SLC10A7: variants seen among roughly 807,000 people sequenced by gnomAD.
The protein encoded by SLC10A7 is sodium/bile acid cotransporter 7.
A neutral mutation model predicts 43.2 loss-of-function variants in SLC10A7; 29 were observed. The observed-to-expected ratio is 0.67, with a 90% confidence interval of 0.50 to 0.92. SLC10A7 has a LOEUF of 0.92. Among genes scored for constraint, SLC10A7 ranks in the 40% least tolerant of loss-of-function variants. The pLI is 0.00. For missense variants in SLC10A7, 295 were observed against 403.2 expected, an observed-to-expected ratio of 0.73 and a Z score of 2.30; for synonymous variants, 152 against 144.8, an observed-to-expected ratio of 1.05 and a Z score of -0.35.
chr4:146,376,840 G>A (rs372155430), intron 5 of SLC10A7, among the ~76,000 whole-genome samples: 40 of 152,138 alleles, frequency 2.6e-4, no homozygotes, highest in Admixed American at 3.9e-4. Context: ...GCTGTGTCCC[G>A]TTTTTATTGG....
intron 10 of SLC10A7, among the ~76,000 whole-genome samples, chr4:146,265,137 C>T (rs941522041): frequency 2.6e-5 from 4 of 152,220 alleles, no homozygotes; most frequent in African/African-American, 9.6e-5. Context: ...CTGCCTGCAC[C>T]ATCTCCTTTA....
chr4:146,505,437 G>A (rs918695426), intron 3 of SLC10A7, among the ~76,000 whole-genome samples: 1 of 152,088 alleles, frequency 6.6e-6, no homozygotes, highest in Non-Finnish European at 1.5e-5. Context: ...TCAATGGTTA[G>A]GCTAATAGTA....
At chr4:146,418,709 C>A (rs1469262054) in intron 5 of SLC10A7, among the ~76,000 whole-genome samples, 1 of 152,136 alleles carries the variant, frequency 6.6e-6, no homozygotes, top group Non-Finnish European at 1.5e-5. Flanking sequence ...TCCCCACACA[C>A]CAAGCAATTC....
chr4:146,431,187 A>T (rs927894321), intron 5 of SLC10A7, among the ~76,000 whole-genome samples: 11 of 152,176 alleles, frequency 7.2e-5, no homozygotes, highest in Non-Finnish European at 2.9e-5. Flanking sequence ...ATAGAAAAGC[A>T]ATTTTTAACA....
At chr4:146,330,044 C>A (rs1733424695) in intron 5 of SLC10A7, among the ~76,000 whole-genome samples, 1 of 152,138 alleles carries the variant, frequency 6.6e-6, no homozygotes, top group African/African-American at 2.4e-5. Flanking sequence ...TTTCTGATTG[C>A]AACACCTGAA....
chr4:146,375,281 A>G (rs1404773077), intron 5 of SLC10A7, among the ~76,000 whole-genome samples: 1 of 152,178 alleles, frequency 6.6e-6, no homozygotes, highest in Non-Finnish European at 1.5e-5. Flanking sequence ...CAGGAGCTTA[A>G]TAATGAAAGA....
At chr4:146,383,905 T>G (rs1737811006) in intron 5 of SLC10A7, among the ~76,000 whole-genome samples, 1 of 152,176 alleles carries the variant, frequency 6.6e-6, no homozygotes, top group Non-Finnish European at 1.5e-5. Flanking sequence ...GTTCATGTAT[T>G]TAATTAATGA....
At chr4:146,519,150 A>G (rs1364827144) in intron 1 of SLC10A7, among the ~76,000 whole-genome samples, 7 of 133,500 alleles carry the variant, frequency 5.2e-5, no homozygotes, top group Non-Finnish European at 9.5e-5. Context: ...TGTATATAAC[A>G]TAATATATAA....
At chr4:146,275,425 G>T (rs1314015163) in intron 10 of SLC10A7, among the ~76,000 whole-genome samples, 1 of 152,172 alleles carries the variant, frequency 6.6e-6, no homozygotes, top group Non-Finnish European at 1.5e-5. Flanking sequence ...TCTTTCTGCA[G>T]AACTCTCACT....
chr4:146,345,105 C>T (rs1734528055), intron 5 of SLC10A7, among the ~76,000 whole-genome samples: 3 of 152,116 alleles, frequency 2.0e-5, no homozygotes, highest in Non-Finnish European at 2.9e-5. Context: ...AAAGGTCGAG[C>T]ATTTTGAGGC....
intron 5 of SLC10A7, among the ~76,000 whole-genome samples, chr4:146,398,980 T>G (rs903518845): frequency 2.0e-5 from 3 of 152,036 alleles, no homozygotes; most frequent in Non-Finnish European, 4.4e-5. Flanking sequence ...TGACAGGCAA[T>G]GGGGAAATTA....
intron 5 of SLC10A7, among the ~76,000 whole-genome samples, chr4:146,328,128 C>A (rs774876347): frequency 1.3e-5 from 2 of 152,186 alleles, no homozygotes; most frequent in Non-Finnish European, 2.9e-5. Context: ...CACCAACATA[C>A]ACCCTCTAGG....
At chr4:146,285,238 AAGG>A (rs1472253033) in intron 9 of SLC10A7, among the ~76,000 whole-genome samples, 3 of 152,300 alleles carry the variant, frequency 2.0e-5, no homozygotes, top group Admixed American at 1.3e-4. Flanking sequence ...ATCCATTCTT[AAGG>A]AGAAGTGATC....
chr4:146,330,319 AT>A (rs1206531533), intron 5 of SLC10A7, among the ~76,000 whole-genome samples: 2 of 152,238 alleles, frequency 1.3e-5, no homozygotes, highest in Non-Finnish European at 2.9e-5. Context: ...AAATTATGAA[AT>A]TTTTGAAATA....
intron 4 of SLC10A7, among the ~76,000 whole-genome samples, chr4:146,466,077 C>T (rs901300660): frequency 2.0e-5 from 3 of 152,020 alleles, no homozygotes; most frequent in Non-Finnish European, 4.4e-5. Context: ...AAATGTATTC[C>T]CTTAACTACT....
intron 4 of SLC10A7, among the ~76,000 whole-genome samples, chr4:146,466,114 C>G (rs1303583487): frequency 6.6e-6 from 1 of 152,132 alleles, no homozygotes; most frequent in Non-Finnish European, 1.5e-5. Context: ...TAATCCCCAA[C>G]TCACTTAATT....
rs554450576 is a variant in SLC10A7, at chr4:146,506,736, TTTTG to T, written c.321-2816_321-2813del. Among the ~76,000 whole-genome samples, 842 of 152,310 alleles carry T rather than the reference TTTTG, an allele frequency of 5.5e-3. 5 individuals are homozygous for T. Among genetic ancestry groups the T allele is most frequent in the South Asian group, 0.016 (77 of 4,826 alleles). On this transcript the variant is annotated intron_variant, in intron 3 of 11. Transcript: ENST00000335472. ...TGTTTTAAACCAGTCATTCTGGTGTTTTTGTTTGTTTGTTTGGTTTTTTTTTGTT... is the reference window on the plus strand; with the variant it reads ...TGTTTTAAACCAGTCATTCTGGTGTTTTTGTTTGTTTGGTTTTTTTTTGTT...
intron 5 of SLC10A7, among the ~76,000 whole-genome samples, chr4:146,331,038 A>T (rs998689081): frequency 6.6e-6 from 1 of 152,174 alleles, no homozygotes; most frequent in Non-Finnish European, 1.5e-5. Flanking sequence ...CCTCAGGGTT[A>T]TATTTTAAGA....
intron 10 of SLC10A7, among the ~76,000 whole-genome samples, chr4:146,282,109 G>A (rs1472379326): frequency 6.6e-6 from 1 of 152,096 alleles, no homozygotes; most frequent in Non-Finnish European, 1.5e-5. Context: ...TTGGAATATG[G>A]TTTCTAAGAC....
Sources: gnomAD v4.1 joint callset for allele counts (sites outside exome capture counted in the v4.1 genomes callset) on GRCh38, gnomAD v4.1.1 for gene constraint, MANE v1.5 for transcripts, NCBI Gene and HGNC (gene_info 2026-07-23, HGNC 2026-07-21) for gene names.